PCDHGB2: variants seen among roughly 807,000 people sequenced by gnomAD.
PCDHGB2 encodes the protein protocadherin gamma subfamily B, 2, also known as protocadherin gamma-B2.
A neutral mutation model predicts 59.3 loss-of-function variants in PCDHGB2; 55 were observed. The observed-to-expected ratio is 0.93, with a 90% confidence interval of 0.75 to 1.16. PCDHGB2 has a LOEUF of 1.16. PCDHGB2 is among the 50% of genes most tolerant of loss of function. The probability of loss-of-function intolerance (pLI) is 0.00; values close to 1 mark genes in which losing one functional copy is unlikely to be tolerated. For missense variants in PCDHGB2, 1,228 were observed against 1,198.5 expected (o/e 1.02, Z -0.36); for synonymous variants, 516 against 512.0 (o/e 1.01, Z -0.11).
In PCDHGB2 at chr5:141,365,130, C is replaced by T. The variant is rs766093939; in HGVS notation, c.2421+2574C>T. 5 of 1,613,878 alleles carry T rather than the reference C, an allele frequency of 3.1e-6. No individual in the cohort carries two copies. In the South Asian group the frequency reaches 3.3e-5, roughly 11 times the overall value. On this transcript the variant is annotated intron_variant, in intron 1 of 3. Coordinates refer to ENST00000522605, the MANE Select transcript of PCDHGB2 (RefSeq NM_018923.3). ...ACTCGGCTGCTCATGCTAACCGCCA[C>T]GGATCCAGATGAGGGAATAAACGGG...
chr5:141,451,001 A>G (rs909477017), intron 1 of PCDHGB2, among the ~76,000 whole-genome samples: 1 of 148,266 alleles, frequency 6.7e-6, no homozygotes, highest in African/African-American at 2.5e-5. Context: ...ATTTTTTTGT[A>G]TTTTTTTTAG....
At chr5:141,407,930 C>T (rs2095001418) in intron 1 of PCDHGB2, 2 of 498,880 alleles carry the variant, frequency 4.0e-6, no homozygotes, top group Non-Finnish European at 6.9e-6. Flanking sequence ...CGCACGGAGC[C>T]TCTGGGCGCC....
chr5:141,421,904 C>T (rs1561797509), intron 1 of PCDHGB2: 1 of 1,613,734 alleles, frequency 6.2e-7, no homozygotes, highest in Admixed American at 1.7e-5. Flanking sequence ...CGAAAGGGCG[C>T]AGTTCCCATT....
chr5:141,478,520 G>A, intron 1 of PCDHGB2: 1 of 1,610,510 alleles, frequency 6.2e-7, no homozygotes, highest in Non-Finnish European at 8.5e-7. Context: ...GCAGGTGTTG[G>A]GTGCAGAGAG....
chr5:141,409,833 C>G (rs973436075), intron 1 of PCDHGB2: 2 of 1,611,368 alleles, frequency 1.2e-6, no homozygotes, highest in Non-Finnish European at 1.7e-6. Context: ...ACGCTCAGCG[C>G]CAACGTGAGC....
chr5:141,502,578 T>C (rs2099815145), intron 2 of PCDHGB2, among the ~76,000 whole-genome samples: 1 of 152,198 alleles, frequency 6.6e-6, no homozygotes, highest in African/African-American at 2.4e-5. Context: ...TATAAAAATA[T>C]ATTTTTATAA....
At chr5:141,363,192 A>T (rs1762836120) in intron 1 of PCDHGB2, among the ~76,000 whole-genome samples, 1 of 152,264 alleles carries the variant, frequency 6.6e-6, no homozygotes, top group Non-Finnish European at 1.5e-5. Context: ...ATTGCTCTTA[A>T]GAAAAACTAC....
At chr5:141,405,334 T>C in intron 1 of PCDHGB2, 1 of 1,614,196 alleles carries the variant, frequency 6.2e-7, no homozygotes. Flanking sequence ...TGTGCGTCTC[T>C]GTTGATTCCA....
chr5:141,424,401 G>A (rs1167861346), intron 1 of PCDHGB2: 1 of 151,844 alleles, frequency 6.6e-6, no homozygotes, highest in Non-Finnish European at 1.5e-5. Flanking sequence ...CCATTACTAT[G>A]GTGAAGTTAC....
chr5:141,408,670 T>G, intron 1 of PCDHGB2: 1 of 1,614,008 alleles, frequency 6.2e-7, no homozygotes, highest in Non-Finnish European at 8.5e-7. Context: ...CGCTTGACCC[T>G]GCCACGGATC....
intron 1 of PCDHGB2, among the ~76,000 whole-genome samples, chr5:141,471,039 A>G (rs1175460270): frequency 7.2e-6 from 1 of 137,964 alleles, no homozygotes; most frequent in Non-Finnish European, 1.5e-5. Context: ...TAACAAGCCC[A>G]AGCCCTCTTT....
At chr5:141,505,241 T>C in intron 2 of PCDHGB2, 152 bp from the exon 3 acceptor site, 3 of 1,396,292 alleles carry the variant, frequency 2.1e-6, no homozygotes, top group South Asian at 1.4e-5. Flanking sequence ...TTCTGAAGGA[T>C]TGTAGAAGTG....
rs375478611 is a variant in PCDHGB2 at position 141,371,890 on chromosome 5, G to A, written c.2421+9334G>A. ...ATCGTGGCCAGTGACCTGGAGCCGC[G>A]GGAGCTGTCGTCCTACGTGTCCGTG... On this transcript the variant is annotated intron_variant, in intron 1 of 3. Coordinates refer to ENST00000522605, the MANE Select transcript of PCDHGB2 (RefSeq NM_018923.3). 7.4e-5 allele frequency: 119 copies of A among 1,613,312 alleles called. No homozygotes were observed. The highest frequency in any genetic ancestry group is 9.7e-5 in the Non-Finnish European group (114 of 1,179,910).
intron 1 of PCDHGB2, chr5:141,392,059 C>G (rs2092458843): frequency 6.6e-6 from 1 of 152,098 alleles, no homozygotes; most frequent in Non-Finnish European, 1.5e-5. Flanking sequence ...AAAATATTAT[C>G]GACATGTAAT....
chr5:141,449,537 C>T (rs1377909573), intron 1 of PCDHGB2, among the ~76,000 whole-genome samples: 1 of 146,330 alleles, frequency 6.8e-6, no homozygotes, highest in Non-Finnish European at 1.5e-5. Flanking sequence ...TGCAGTGAGC[C>T]GAGATCGCAC....
intron 1 of PCDHGB2, chr5:141,399,574 G>C (rs1191176960): frequency 6.2e-7 from 1 of 1,614,046 alleles, no homozygotes; most frequent in Middle Eastern, 1.6e-4. Flanking sequence ...GAACGGCCAA[G>C]TCTCCTACTC....
chr5:141,431,227 C>A lies in PCDHGB2; in HGVS notation c.2422-63580C>A, dbSNP rs759752051. On this transcript the variant is annotated intron_variant, in intron 1 of 3. Transcript: ENST00000522605. This position sits in a 1 kb window ranked among gnomAD's most constrained non-coding sequence, Gnocchi z 4.8. Reference sequence around the variant, plus strand: ...CTGAGATGCGGTTCCCTCTACCCCACGCCTGGGATCCGGATATCGGGAAGA... The same window carrying A: ...CTGAGATGCGGTTCCCTCTACCCCAAGCCTGGGATCCGGATATCGGGAAGA... 6.2e-7 allele frequency: 1 copy of A among 1,614,180 alleles called. No homozygotes were observed. The highest frequency in any genetic ancestry group is 8.5e-7 in the Non-Finnish European group (1 of 1,180,042).
rs779307225 is a variant in PCDHGB2 at position 141,361,654 on chromosome 5, G to T, written c.1519G>T (p.Val507Leu). The T allele has an allele frequency of 1.2e-6, 2 of 1,613,664 alleles. No individual in the cohort carries two copies. The highest frequency in any genetic ancestry group is 1.3e-5 in the African/African-American group (1 of 74,956). ...GCGGGAGATTTTATCCTACGTGTCC[G>T]TGAGCGCGCAGAGCGGGGTGGTGTT... ...KPREILSYVS[V>L]SAQSGVVFAQ... The change falls in exon 1 of 4, where the codon GTG (valine) becomes TTG (leucine). Residue 507 changes from valine to leucine, a missense_variant. Val to Leu is a conservative substitution (Grantham distance 32). Transcript: ENST00000522605.
chr5:141,415,284 G>T (rs186109113), intron 1 of PCDHGB2: 1 of 1,614,198 alleles, frequency 6.2e-7, no homozygotes, highest in East Asian at 2.2e-5. Context: ...CGGTGGCCGC[G>T]GTCTCCTGCG....
Sources: gnomAD v4.1 joint callset for allele counts (sites outside exome capture counted in the v4.1 genomes callset) on GRCh38, gnomAD v4.1.1 for gene constraint, Gnocchi (gnomAD v3.1) non-coding constraint, MANE v1.5 for transcripts, NCBI Gene and HGNC (gene_info 2026-07-23, HGNC 2026-07-21) for gene names.